Variants in RNF128 observed in about 807,000 individuals in gnomAD.
RNF128 encodes E3 ubiquitin-protein ligase RNF128.
Under a neutral mutation model 26.2 loss-of-function variants are expected in RNF128, and 13 were observed. That is an observed-to-expected ratio of 0.50 (90% CI 0.32 to 0.79). The LOEUF is 0.79. Ranked by LOEUF, RNF128 falls within the 30% of genes least tolerant of loss-of-function variation. RNF128 has a pLI of 0.03. For missense variants in RNF128, 315 were observed against 349.7 expected (o/e 0.90, Z 0.79); for synonymous variants, 149 against 142.5 (o/e 1.05, Z -0.32).
At chrX:106,740,629 G>C (rs1481328681) in intron 1 of RNF128, among the ~76,000 whole-genome samples, 1 of 111,381 alleles carries the variant, frequency 9.0e-6, no homozygotes, top group African/African-American at 3.3e-5. Flanking sequence ...GAGTGCAGTG[G>C]TGCAATCATA....
intron 1 of RNF128, among the ~76,000 whole-genome samples, chrX:106,737,665 A>G (rs1929623874): frequency 9.0e-6 from 1 of 111,724 alleles, no homozygotes; most frequent in African/African-American, 3.2e-5. Context: ...TGGAGGGCTG[A>G]CTATACATCT....
chrX:106,696,313 CT>C (rs1928872547), intron 1 of RNF128, among the ~76,000 whole-genome samples: 1 of 110,907 alleles, frequency 9.0e-6, no homozygotes, highest in African/African-American at 3.3e-5. Flanking sequence ...GAATTTTGCC[CT>C]TTTAAGACCT....
intron 1 of RNF128, among the ~76,000 whole-genome samples, chrX:106,753,953 A>G (rs764479860): frequency 2.7e-4 from 30 of 112,123 alleles, no homozygotes; most frequent in South Asian, 7.4e-4. Context: ...TATAAAGCAA[A>G]TATTATACAA....
At chrX:106,715,450 T>C (rs1489275381) in intron 1 of RNF128, among the ~76,000 whole-genome samples, 3 of 112,263 alleles carry the variant, frequency 2.7e-5, no homozygotes, top group Non-Finnish European at 3.8e-5. Flanking sequence ...GTGGATAATA[T>C]GGTTTTACAA....
At chrX:106,786,296 A>G (rs964505809) in intron 3 of RNF128, among the ~76,000 whole-genome samples, 33 of 111,844 alleles carry the variant, frequency 3.0e-4, no homozygotes, top group Non-Finnish European at 4.7e-4. Flanking sequence ...ATTTTCCATA[A>G]AAGTGCAAAA....
rs750387439 is a variant in RNF128 at position 106,727,058 on chromosome X, G to A, written c.145G>A (p.Val49Met). ...AEAVWTAYLN[V>M]SWRVPHTGVN... ...AGCAGTGTGGACCGCGTACCTCAAC[G>A]TGTCCTGGCGGGTTCCGCACACGGG... The change falls in exon 1 of 7, where the codon GTG becomes ATG. Residue 49 changes from valine (V) to methionine (M), a missense_variant. Transcript: ENST00000255499. The A allele has an allele frequency of 5.8e-6, 7 of 1,203,875 alleles. No homozygotes were observed. The South Asian group carries it at 1.1e-4, about 19-fold the overall frequency.
In RNF128 at chrX:106,795,740, C is replaced by G. The variant is rs1930905251; in HGVS notation, c.*27C>G. ...ATCTGTGTAAATAGAAAACTTGAAC[C>G]ATTAGTAATAACAGAACTGCCAATC... On this transcript the variant is annotated 3_prime_UTR_variant, in exon 7 of 7. Transcript: ENST00000255499. The G allele has an allele frequency of 8.8e-7, 1 of 1,142,572 alleles. No individual in the cohort carries two copies. The highest frequency in any genetic ancestry group is 1.8e-5 in the African/African-American group (1 of 54,920). The allele number at this position is 1,142,572 out of a possible 1,213,427, so 94.2% of individuals were successfully genotyped here. A position where few individuals can be genotyped will look rare whatever the true frequency, so the allele number is the denominator to read the frequency against.
intron 1 of RNF128, among the ~76,000 whole-genome samples, chrX:106,753,320 TTAAAGTA>T (rs1267696158): frequency 1.1e-4 from 12 of 110,463 alleles, no homozygotes; most frequent in Admixed American, 3.8e-4. Context: ...GGGGATAAAG[TTAAAGTA>T]TAGAGTTTCA....
intron 1 of RNF128, among the ~76,000 whole-genome samples, chrX:106,739,912 A>T (rs1299730389): frequency 9.0e-6 from 1 of 111,606 alleles, no homozygotes; most frequent in Non-Finnish European, 1.9e-5. Flanking sequence ...AACTAATTGG[A>T]CTACTGGAAC....
At chrX:106,745,622 T>C (rs1168128580) in intron 1 of RNF128, among the ~76,000 whole-genome samples, 3 of 111,750 alleles carry the variant, frequency 2.7e-5, no homozygotes, top group Non-Finnish European at 5.6e-5. Context: ...CGATATATAA[T>C]CCAGATACTT....
upstream of RNF128, among the ~76,000 whole-genome samples, chrX:106,726,242 C>T (rs1929389760): frequency 9.0e-6 from 1 of 110,943 alleles, no homozygotes; most frequent in African/African-American, 3.3e-5. Flanking sequence ...GAAAGGGTAA[C>T]AGCGCGCTTT....
At chrX:106,704,394 C>T (rs1477569032) in intron 1 of RNF128, among the ~76,000 whole-genome samples, 7 of 97,880 alleles carry the variant, frequency 7.2e-5, no homozygotes, top group East Asian at 3.1e-4. Context: ...GATCGCGCCA[C>T]GCACTCCAGC....
chrX:106,753,521 C>A (rs950058920), intron 1 of RNF128, among the ~76,000 whole-genome samples: 3 of 110,205 alleles, frequency 2.7e-5, no homozygotes, highest in Middle Eastern at 4.6e-3. Flanking sequence ...ATCACCTTCA[C>A]AAAAAGAAGA....
chrX:106,716,775 T>C (rs1230121680), intron 1 of RNF128, among the ~76,000 whole-genome samples: 2 of 111,352 alleles, frequency 1.8e-5, no homozygotes, highest in African/African-American at 6.5e-5. Flanking sequence ...ATGAAGGAGA[T>C]AGGCATGTAA....
chrX:106,697,460 C>G (rs1167030118), intron 1 of RNF128, among the ~76,000 whole-genome samples: 1 of 111,666 alleles, frequency 9.0e-6, no homozygotes, highest in Non-Finnish European at 1.9e-5. Flanking sequence ...GAGTGCCAGG[C>G]TAGGTCCTAA....
chrX:106,713,864 C>T (rs1211942506), intron 1 of RNF128, among the ~76,000 whole-genome samples: 2 of 111,037 alleles, frequency 1.8e-5, no homozygotes, highest in Non-Finnish European at 3.8e-5. Context: ...GTAACTCTGA[C>T]CTCAGAAAGG....
chrX:106,753,337 A>G (rs1357682799), intron 1 of RNF128, among the ~76,000 whole-genome samples: 1 of 110,984 alleles, frequency 9.0e-6, no homozygotes, highest in African/African-American at 3.3e-5. Flanking sequence ...ATAGAGTTTC[A>G]ATTAGTTTTC....
At chrX:106,695,815 C>G (rs1005687746) in intron 1 of RNF128, among the ~76,000 whole-genome samples, 3 of 111,893 alleles carry the variant, frequency 2.7e-5, no homozygotes, top group African/African-American at 9.7e-5. Context: ...TGAACACATT[C>G]TACTTATTCA....
At chrX:106,765,022 T>C (rs1930192567) in intron 1 of RNF128, among the ~76,000 whole-genome samples, 1 of 111,677 alleles carries the variant, frequency 9.0e-6, no homozygotes, top group South Asian at 3.7e-4. Context: ...ATACTGATAT[T>C]GGAAGAAAAT....
Sources: gnomAD v4.1 joint callset for allele counts (sites outside exome capture counted in the v4.1 genomes callset) on GRCh38, gnomAD v4.1.1 for gene constraint, MANE v1.5 for transcripts, NCBI Gene and HGNC (gene_info 2026-07-23, HGNC 2026-07-21) for gene names.